HERC3: variants seen among roughly 807,000 people sequenced by gnomAD.
The protein encoded by HERC3 is probable E3 ubiquitin-protein ligase HERC3.
A neutral mutation model predicts 129.9 loss-of-function variants in HERC3; 58 were observed. That is an observed-to-expected ratio of 0.45 (90% CI 0.36 to 0.56). The LOEUF is 0.56. Ranked by LOEUF, HERC3 falls within the 20% of genes least tolerant of loss-of-function variation. HERC3 has a pLI of 0.00. For synonymous variants in HERC3, 430 were observed against 451.0 expected (o/e 0.95, Z 0.59); for missense variants, 835 against 1,244.2 (o/e 0.67, Z 4.95).
chr4:88,667,266 G>C (rs1731148573), intron 12 of HERC3, 111 bp from the exon 13 acceptor site: 1 of 503,486 alleles, frequency 2.0e-6, no homozygotes, highest in African/African-American at 2.0e-5. Context: ...TTATCTGCCA[G>C]ATCAAATTTA....
intron 3 of HERC3, among the ~76,000 whole-genome samples, chr4:88,643,062 CA>C (rs1728298801): frequency 2.0e-5 from 3 of 151,950 alleles, no homozygotes; most frequent in Admixed American, 6.6e-5. Context: ...GATTTAAGGT[CA>C]ATACACAAAA....
chr4:88,623,792 A>G (rs528659157), intron 3 of HERC3, among the ~76,000 whole-genome samples: 11 of 152,322 alleles, frequency 7.2e-5, no homozygotes, highest in African/African-American at 2.6e-4. Flanking sequence ...TTATTTTAAA[A>G]TCAACTTTAT....
the HERC3 span, among the ~76,000 whole-genome samples, chr4:88,556,143 T>G: frequency 6.6e-6 from 1 of 152,190 alleles, no homozygotes; most frequent in Admixed American, 6.5e-5. Flanking sequence ...CCTAGCCTTT[T>G]CAAACATCTT....
chr4:88,558,954 C>CTG, the HERC3 span, among the ~76,000 whole-genome samples: 1 of 133,754 alleles, frequency 7.5e-6, no homozygotes, highest in Non-Finnish European at 1.5e-5. Context: ...GGCAACAGAG[C>CTG]GAGACTCTGT....
intron 3 of HERC3, among the ~76,000 whole-genome samples, chr4:88,635,104 G>T (rs1727230130): frequency 6.6e-6 from 1 of 152,036 alleles, no homozygotes; most frequent in Non-Finnish European, 1.5e-5. Flanking sequence ...TTCTCTAAAT[G>T]ATCGCAACAC....
At chr4:88,689,676 C>G (rs1733866754) in intron 23 of HERC3, among the ~76,000 whole-genome samples, 1 of 151,510 alleles carries the variant, frequency 6.6e-6, no homozygotes, top group African/African-American at 2.4e-5. Flanking sequence ...CTCCTGGGTT[C>G]AAGTGATTCT....
the HERC3 span, among the ~76,000 whole-genome samples, chr4:88,574,491 T>C: frequency 6.6e-6 from 1 of 152,182 alleles, no homozygotes; most frequent in East Asian, 1.9e-4. Flanking sequence ...ATTAAGTACA[T>C]TCATATTGTT....
intron 11 of HERC3, among the ~76,000 whole-genome samples, 186 bp downstream of exon 11, chr4:88,662,741 G>T (rs1730622516): frequency 6.6e-6 from 1 of 152,024 alleles, no homozygotes; most frequent in South Asian, 2.1e-4. Flanking sequence ...TAGCATAATG[G>T]ATGGATCCCC....
chr4:88,584,175 T>C, the HERC3 span, among the ~76,000 whole-genome samples: 2 of 152,208 alleles, frequency 1.3e-5, no homozygotes, highest in Non-Finnish European at 1.5e-5. Flanking sequence ...TCTGTGCCTC[T>C]CTTCTTACTT....
the HERC3 span, chr4:88,527,654 C>A: frequency 3.5e-6 from 1 of 288,406 alleles, no homozygotes; most frequent in South Asian, 4.1e-5. Context: ...AAGCTCCCCT[C>A]CCTCATGCCG....
chr4:88,576,226 C>A, the HERC3 span, among the ~76,000 whole-genome samples: 2 of 152,154 alleles, frequency 1.3e-5, no homozygotes, highest in African/African-American at 4.8e-5. Context: ...TCCTCCATAA[C>A]CTCCTGGTTG....
At chr4:88,532,519 A>G in the HERC3 span, among the ~76,000 whole-genome samples, 1 of 152,198 alleles carries the variant, frequency 6.6e-6, no homozygotes, top group Admixed American at 6.5e-5. Context: ...GTCCATTCAC[A>G]TAAGTGAGTG....
chr4:88,678,149 G>C lies in HERC3; in HGVS notation c.2196+15G>C. On this transcript the variant is annotated intron_variant, in intron 19 of 25. Coordinates refer to ENST00000402738, the MANE Select transcript of HERC3 (RefSeq NM_014606.3). ...AGCCTCTCAAAGTGAGTTCCTTCAG[G>C]ATATTCCTCTAAATACCTTCGCAAT... 6.2e-7 allele frequency: 1 copy of C among 1,611,202 alleles called. No homozygotes were observed. The highest frequency in any genetic ancestry group is 8.5e-7 in the Non-Finnish European group (1 of 1,178,744).
chr4:88,611,225 ATTTAAC>A (rs1724280084), intron 3 of HERC3, among the ~76,000 whole-genome samples: 2 of 152,162 alleles, frequency 1.3e-5, no homozygotes, highest in South Asian at 4.1e-4. Context: ...CCCTCTCTCC[ATTTAAC>A]TTTTTCGTTG....
Position 88,654,034 on chromosome 4 carries a change from T to C in HERC3, c.686-8T>C. 6.3e-7 allele frequency: 1 copy of C among 1,592,854 alleles called. No individual in the cohort carries two copies. Among genetic ancestry groups the C allele is most frequent in the East Asian group, 2.2e-5 (1 of 44,708 alleles). On this transcript the variant is annotated splice_polypyrimidine_tract_variant and splice_region_variant and intron_variant, in intron 6 of 25. Transcript: ENST00000402738. ...GGTAGTGATATTCTGATATTTAATTTATTCTAGATCGAGAATCTCCATGCC... is the reference window on the plus strand; with the variant it reads ...GGTAGTGATATTCTGATATTTAATTCATTCTAGATCGAGAATCTCCATGCC...
chr4:88,626,616 G>C (rs1175909547), intron 3 of HERC3, among the ~76,000 whole-genome samples: 6 of 152,064 alleles, frequency 3.9e-5, no homozygotes, highest in Admixed American at 3.9e-4. Flanking sequence ...GAAAGATATA[G>C]GACTACTTAT....
chr4:88,704,446 T>C, intron 24 of HERC3, 62 bp from the exon 25 acceptor site: 1 of 1,267,668 alleles, frequency 7.9e-7, no homozygotes, highest in Non-Finnish European at 1.1e-6. Context: ...GCAAATGATA[T>C]ATAATGTCCA....
At chr4:88,688,631 A>G in intron 23 of HERC3, among the ~76,000 whole-genome samples, 1 of 152,220 alleles carries the variant, frequency 6.6e-6, no homozygotes, top group Non-Finnish European at 1.5e-5. Context: ...TCCATTTTGA[A>G]TATATTGATT....
the HERC3 span, among the ~76,000 whole-genome samples, chr4:88,570,753 T>A: frequency 2.3e-5 from 3 of 130,494 alleles, no homozygotes; most frequent in Non-Finnish European, 5.2e-5. Flanking sequence ...TATTCCTATT[T>A]TATTTTATTT....
Sources: allele counts gnomAD v4.1 joint callset (sites outside exome capture counted in the v4.1 genomes callset), GRCh38; gene constraint gnomAD v4.1.1; transcripts MANE v1.5; gene names NCBI Gene and HGNC (gene_info 2026-07-23, HGNC 2026-07-21).